Variants in ATP10D observed in about 807,000 individuals in gnomAD.
ATP10D encodes the protein phospholipid-transporting ATPase VD.
A neutral mutation model predicts 144.8 loss-of-function variants in ATP10D; 89 were observed. The ratio of observed to expected loss-of-function variants is 0.61; its 90% CI spans 0.52 to 0.73. The LOEUF (loss-of-function observed/expected upper bound fraction) is 0.73. ATP10D is among the 30% of genes least tolerant of loss of function. The pLI, the probability that ATP10D is intolerant of heterozygous loss-of-function variation, is 0.00. For synonymous variants in ATP10D, 571 were observed against 615.1 expected, an observed-to-expected ratio of 0.93 and a Z score of 1.06; for missense variants, 1,603 against 1,714.8, an observed-to-expected ratio of 0.93 and a Z score of 1.15.
chr4:47,561,190 A>T, intron 14 of ATP10D, 115 bp downstream of exon 14: 5 of 1,357,242 alleles, frequency 3.7e-6, no homozygotes, highest in Non-Finnish European at 4.1e-6. Context: ...GGTTCTGCCT[A>T]CCCTGTCCAG....
intron 1 of ATP10D, among the ~76,000 whole-genome samples, chr4:47,502,206 G>A (rs1715718873): frequency 6.6e-6 from 1 of 152,180 alleles, no homozygotes; most frequent in East Asian, 1.9e-4. Flanking sequence ...TGGGCGCGGT[G>A]GTTTGTGCCT....
chr4:47,588,745 C>G (rs1056700738), intron 22 of ATP10D, among the ~76,000 whole-genome samples: 1 of 152,150 alleles, frequency 6.6e-6, no homozygotes, highest in Non-Finnish European at 1.5e-5. Context: ...TTCTATAGTG[C>G]TCACTGCTAT....
chr4:47,563,894 T>A (rs1204100033), intron 15 of ATP10D, 129 bp downstream of exon 15: 4 of 1,001,398 alleles, frequency 4.0e-6, no homozygotes, highest in Non-Finnish European at 5.5e-6. Flanking sequence ...TGTTTGTTTG[T>A]TTGTTTTGGT....
intron 1 of ATP10D, among the ~76,000 whole-genome samples, chr4:47,510,276 A>G (rs550035772): frequency 6.6e-6 from 1 of 152,178 alleles, no homozygotes; most frequent in Admixed American, 6.6e-5. Context: ...GTTCTTACAA[A>G]ATGATGAGCT....
intron 19 of ATP10D, among the ~76,000 whole-genome samples, chr4:47,577,936 T>G (rs1720318149): frequency 6.6e-6 from 1 of 152,192 alleles, no homozygotes; most frequent in Non-Finnish European, 1.5e-5. Context: ...CAAATCCACT[T>G]CGGAAAGGAG....
intron 5 of ATP10D, among the ~76,000 whole-genome samples, chr4:47,534,239 G>A (rs563339529): frequency 1.3e-5 from 2 of 152,176 alleles, no homozygotes; most frequent in East Asian, 1.9e-4. Context: ...AATTTACCAC[G>A]TTTTAGAACT....
chr4:47,579,223 T>C (rs1421923711), intron 19 of ATP10D, among the ~76,000 whole-genome samples: 1 of 152,230 alleles, frequency 6.6e-6, no homozygotes, highest in Non-Finnish European at 1.5e-5. Context: ...TTTCTTTTTT[T>C]CTCTAAGATT....
intron 15 of ATP10D, among the ~76,000 whole-genome samples, chr4:47,567,045 A>G (rs1284122132): frequency 1.7e-5 from 2 of 120,014 alleles, no homozygotes; most frequent in Non-Finnish European, 3.5e-5. Flanking sequence ...GCCCATGAAA[A>G]GAAGACTTTG....
At chr4:47,516,150 A>G (rs1716673770) in intron 3 of ATP10D, among the ~76,000 whole-genome samples, 1 of 152,004 alleles carries the variant, frequency 6.6e-6, no homozygotes, top group Non-Finnish European at 1.5e-5. Context: ...GAATCGCTTG[A>G]ACCCAGGAGG....
At position 47,572,997 on chromosome 4, in the gene ATP10D, G is replaced by A. The variant is rs1179361018; in HGVS notation, c.3366G>A (p.Val1122=). ...NMILYFFYKN[V]AYVNLLFWYQ... ...TTCTCTATTTTTTCTATAAGAATGT[G>A]GTATGTAACCCCAGAGAATTTGTCC... The change falls in exon 18 of 23, where the codon GTG becomes GTA. Residue 1122 remains valine, a splice_region_variant and synonymous_variant. Coordinates refer to ENST00000273859, the MANE Select transcript of ATP10D (RefSeq NM_020453.4). 1.2e-6 allele frequency: 2 copies of A among 1,613,798 alleles called. No homozygotes were observed. The highest frequency in any genetic ancestry group is 1.7e-5 in the Admixed American group (1 of 59,990).
At chr4:47,485,592 G>C (rs1714703681) in intron 1 of ATP10D, 73 bp downstream of exon 1, 2 of 151,572 alleles carry the variant, frequency 1.3e-5, no homozygotes, top group African/African-American at 4.9e-5. Context: ...TTTCCTTTCT[G>C]TTTCTCTCTC....
intron 1 of ATP10D, among the ~76,000 whole-genome samples, chr4:47,492,646 T>C (rs528341746): frequency 3.3e-4 from 51 of 152,314 alleles, no homozygotes; most frequent in African/African-American, 1.2e-3. Context: ...AAGTAATTTT[T>C]AGCCACTGTG....
At chr4:47,494,716 CTT>C (rs1299853183) in intron 1 of ATP10D, among the ~76,000 whole-genome samples, 1 of 151,960 alleles carries the variant, frequency 6.6e-6, no homozygotes, top group African/African-American at 2.4e-5. Flanking sequence ...TTCCCACTGA[CTT>C]TAATTTTCTA....
At position 47,509,258 on chromosome 4, in the gene ATP10D, A is replaced by G. The variant is rs529723245; in HGVS notation, c.-37-3246A>G. On this transcript the variant is annotated intron_variant, in intron 1 of 22. Transcript: ENST00000273859. ...TATTTCTTTTTATTCGTTTACAAAA[A>G]CATCCACTGAAATAAAATAATTTAA... Among the ~76,000 whole-genome samples, 68 of 152,328 alleles carry G rather than the reference A, an allele frequency of 4.5e-4. 1 individual carries two copies. The highest frequency in any genetic ancestry group is 1.5e-3 in the African/African-American group (64 of 41,572).
chr4:47,538,070 T>C (rs1577660890), intron 9 of ATP10D, among the ~76,000 whole-genome samples: 2 of 152,300 alleles, frequency 1.3e-5, no homozygotes, highest in East Asian at 3.9e-4. Context: ...AATGCTTCTT[T>C]TTCACACCCA....
chr4:47,488,493 G>C (rs920155877), intron 1 of ATP10D, among the ~76,000 whole-genome samples: 1 of 149,920 alleles, frequency 6.7e-6, no homozygotes, highest in Non-Finnish European at 1.5e-5. Context: ...AGGTGGTAAA[G>C]TTACAGCTTG....
chr4:47,545,761 T>G (rs745384444), intron 9 of ATP10D, among the ~76,000 whole-genome samples: 1 of 152,224 alleles, frequency 6.6e-6, no homozygotes, highest in Non-Finnish European at 1.5e-5. Context: ...GAGATTGTAT[T>G]CTACTGGATG....
rs569135485 is a variant in ATP10D, at chr4:47,515,812, C to T, written c.485+142C>T. The T allele has an allele frequency of 2.8e-4, 179 of 637,106 alleles. 1 individual carries two copies. The highest frequency in any genetic ancestry group is 3.9e-4 in the Non-Finnish European group (152 of 393,722). 39.5% of individuals were successfully genotyped at this position (637,106 alleles called of 1,614,324 possible). ...TTGCTATTGTTTTCAACTAATATTT[C>T]GTAAAGTCCTATGGTGAATTTAATT... On this transcript the variant is annotated intron_variant, in intron 3 of 22. Coordinates refer to ENST00000273859, the MANE Select transcript of ATP10D (RefSeq NM_020453.4).
At chr4:47,498,547 T>A (rs1715517553) in intron 1 of ATP10D, among the ~76,000 whole-genome samples, 1 of 152,176 alleles carries the variant, frequency 6.6e-6, no homozygotes, top group South Asian at 2.1e-4. Flanking sequence ...ACCAAGTATA[T>A]CTCCAGCAAA....
Sources: allele counts gnomAD v4.1 joint callset (sites outside exome capture counted in the v4.1 genomes callset), GRCh38; gene constraint gnomAD v4.1.1; transcripts MANE v1.5; gene names NCBI Gene and HGNC (gene_info 2026-07-23, HGNC 2026-07-21).